The following HIF3A variants were observed in gnomAD, a reference collection of about 807,000 sequenced individuals.
The protein encoded by HIF3A is hypoxia inducible factor 3 subunit alpha, also known as hypoxia-inducible factor 3-alpha.
A neutral mutation model predicts 67.2 loss-of-function variants in HIF3A; 41 were observed. The observed-to-expected ratio is 0.61, with a 90% CI of 0.48 to 0.79. The LOEUF (loss-of-function observed/expected upper bound fraction) is 0.79. HIF3A is among the 30% of genes least tolerant of loss of function. The pLI, the probability that HIF3A is intolerant of heterozygous loss-of-function variation, is 0.00. For missense variants in HIF3A, 855 were observed against 898.0 expected, an observed-to-expected ratio of 0.95 and a Z score of 0.61; for synonymous variants, 356 against 374.8, an observed-to-expected ratio of 0.95 and a Z score of 0.58.
chr19:46,312,127 A>T, intron 6 of HIF3A, 34 bp from the exon 7 acceptor site: 1 of 1,528,726 alleles, frequency 6.5e-7, no homozygotes, highest in Non-Finnish European at 9.1e-7. Flanking sequence ...ACCCAGTAGC[A>T]TCCTGACCAG....
intron 12 of HIF3A, 59 bp from the exon 13 acceptor site, chr19:46,331,097 T>TGTTATCC: frequency 7.3e-7 from 1 of 1,365,086 alleles, no homozygotes; most frequent in Non-Finnish European, 1.0e-6. Context: ...CTGCTTACAC[T>TGTTATCC]GTTATCCACA....
At chr19:46,305,532 A>C in intron 3 of HIF3A, 142 bp downstream of exon 3, 1 of 871,048 alleles carries the variant, frequency 1.1e-6, no homozygotes, top group Non-Finnish European at 1.8e-6. Flanking sequence ...AGGAAGACCC[A>C]GAATGGTCAG....
chr19:46,339,680 C>A lies in HIF3A; in HGVS notation c.*58C>A. The A allele has an allele frequency of 7.7e-7, 1 of 1,300,798 alleles. No individual in the cohort carries two copies. Among genetic ancestry groups the A allele is most frequent in the Non-Finnish European group, 1.1e-6 (1 of 935,054 alleles). The allele number at this position is 1,300,798 out of a possible 1,614,324, so 80.6% of individuals were successfully genotyped here. ...CCCAGAAAGGACCTCAACCACACTC[C>A]ACGCCGGCAGCCAACGCACAGGATG... On this transcript the variant is annotated 3_prime_UTR_variant, in exon 15 of 15. Coordinates refer to ENST00000377670, the MANE Select transcript of HIF3A (RefSeq NM_152795.4).
intron 3 of HIF3A, among the ~76,000 whole-genome samples, chr19:46,307,970 A>C (rs916367670): frequency 1.4e-4 from 3 of 20,970 alleles, no homozygotes; most frequent in African/African-American, 4.5e-4. Context: ...AGACAGACAG[A>C]CAGACAGACA....
intron 14 of HIF3A, chr19:46,338,349 T>C: frequency 2.4e-6 from 1 of 425,038 alleles, no homozygotes; most frequent in Non-Finnish European, 4.7e-6. Flanking sequence ...ACTGCAGCTA[T>C]GTGCCATCAT....
At chr19:46,313,390 G>C (rs1325611123) in intron 8 of HIF3A, 1 of 868,886 alleles carries the variant, frequency 1.2e-6, no homozygotes, top group Admixed American at 6.3e-5. Flanking sequence ...TGGGAGGCCA[G>C]GGGAGGAGGA....
rs2069559143 is a variant in HIF3A, at chr19:46,329,317, G to T, written c.1551G>T (p.Gly517=). The T allele has an allele frequency of 3.7e-6, 6 of 1,613,200 alleles. No homozygotes were observed. Among genetic ancestry groups the T allele is most frequent in the Non-Finnish European group, 5.1e-6 (6 of 1,179,950 alleles). The stretch of plus-strand genomic sequence containing the variant: ...CCAGGGCCTACCACAGACCTCTGGG[G>T]GCTGTCCCCCGGCCCCGTGCTCGGA... ...QLPRAYHRPL[G]AVPRPRARSF... The change falls in exon 12 of 15, where the codon GGG becomes GGT. Residue 517 remains glycine (G), a synonymous_variant. Coordinates refer to ENST00000377670, the MANE Select transcript of HIF3A (RefSeq NM_152795.4).
At chr19:46,338,030 C>T (rs1454923090) in intron 14 of HIF3A, among the ~76,000 whole-genome samples, 1 of 152,194 alleles carries the variant, frequency 6.6e-6, no homozygotes, top group Non-Finnish European at 1.5e-5. Flanking sequence ...GATTCACGCA[C>T]TCGCACTGTG....
intron 1 of HIF3A, among the ~76,000 whole-genome samples, chr19:46,299,676 C>T (rs1000198527): frequency 1.3e-5 from 2 of 148,992 alleles, no homozygotes; most frequent in African/African-American, 2.5e-5. Flanking sequence ...GGCCACTGCA[C>T]TCCAGCCTGG....
At chr19:46,321,173 G>A (rs1970330865) in intron 9 of HIF3A, among the ~76,000 whole-genome samples, 1 of 152,074 alleles carries the variant, frequency 6.6e-6, no homozygotes, top group Non-Finnish European at 1.5e-5. Flanking sequence ...GAGGGCTTGG[G>A]GCCAGTCTTT....
intron 8 of HIF3A, 98 bp downstream of exon 8, chr19:46,312,751 A>C: frequency 8.0e-7 from 1 of 1,249,166 alleles, no homozygotes; most frequent in Admixed American, 2.8e-5. Flanking sequence ...ATGAGCATGC[A>C]TGTGTATCAT....
intron 11 of HIF3A, among the ~76,000 whole-genome samples, chr19:46,328,656 C>G (rs1970961032): frequency 6.6e-6 from 1 of 152,174 alleles, no homozygotes; most frequent in African/African-American, 2.4e-5. Context: ...TTTCTCACTT[C>G]TCTCTAAGCC....
Position 46,314,988 on chromosome 19 carries a change from T to TAC in HIF3A, c.1025+2337_1025+2338dup, listed in dbSNP as rs200440936. Among the ~76,000 whole-genome samples, 1,411 of 147,694 alleles carry TAC rather than the reference T, an allele frequency of 9.6e-3. 121 individuals are homozygous for TAC. Among genetic ancestry groups the TAC allele is most frequent in the African/African-American group, 0.031 (1,270 of 40,778 alleles). Reference sequence around the variant, plus strand: ...CCAGAGGGTCACATACAGGGAATCCTACAGTATGTAGCCTTTTGGGCCTGG... The same window carrying TAC: ...CCAGAGGGTCACATACAGGGAATCCTACACAGTATGTAGCCTTTTGGGCCTGG... On this transcript the variant is annotated intron_variant, in intron 8 of 14. Transcript: ENST00000377670.
At chr19:46,304,117 T>C (rs941277565) in intron 2 of HIF3A, 29 bp downstream of exon 2, 45 of 1,538,086 alleles carry the variant, frequency 2.9e-5, no homozygotes, top group Non-Finnish European at 3.9e-5. Flanking sequence ...AATTCCCGTC[T>C]TGGTCAGGCC....
intron 8 of HIF3A, 195 bp from the exon 9 acceptor site, chr19:46,320,248 C>T: frequency 3.8e-6 from 2 of 530,748 alleles, no homozygotes; most frequent in Non-Finnish European, 6.6e-6. Context: ...AAAATGCTGT[C>T]AGAATAAAAA....
chr19:46,298,179 G>T, intron 1 of HIF3A: 1 of 289,572 alleles, frequency 3.5e-6, no homozygotes, highest in South Asian at 2.6e-5. Context: ...AGGCCTGATT[G>T]GATCCATGCA....
intron 4 of HIF3A, 44 bp from the exon 5 acceptor site, chr19:46,308,619 G>A (rs769644499): frequency 2.4e-6 from 3 of 1,227,790 alleles, no homozygotes; most frequent in Non-Finnish European, 3.5e-6. Flanking sequence ...CTGGGCCTGT[G>A]TGTAGCTGCC....
intron 1 of HIF3A, chr19:46,303,681 A>G: frequency 6.3e-7 from 1 of 1,587,118 alleles, no homozygotes; most frequent in Non-Finnish European, 8.6e-7. Context: ...GACTGGCAAG[A>G]CCACAGGTAA....
chr19:46,302,994 T>C (rs148490641), intron 1 of HIF3A, among the ~76,000 whole-genome samples: 80 of 152,218 alleles, frequency 5.3e-4, no homozygotes, highest in African/African-American at 1.6e-3. Context: ...TCCAGGCCCA[T>C]AGAGATAGAG....
Sources: gnomAD v4.1 joint callset for allele counts (sites outside exome capture counted in the v4.1 genomes callset) on GRCh38, gnomAD v4.1.1 for gene constraint, MANE v1.5 for transcripts, NCBI Gene and HGNC (gene_info 2026-07-23, HGNC 2026-07-21) for gene names.